KCNMB2: variants seen among roughly 807,000 people sequenced by gnomAD.
KCNMB2 encodes the protein calcium-activated potassium channel subunit beta-2.
A neutral mutation model predicts 24.5 loss-of-function variants in KCNMB2; 9 were observed. The observed-to-expected ratio is 0.37, with a 90% CI of 0.22 to 0.64. The LOEUF (loss-of-function observed/expected upper bound fraction) is 0.64. Among genes scored for constraint, KCNMB2 ranks in the 30% least tolerant of loss-of-function variants. The probability of loss-of-function intolerance (pLI) is 0.63; values close to 1 mark genes in which losing one functional copy is unlikely to be tolerated. For missense variants in KCNMB2, 226 were observed against 284.3 expected, an observed-to-expected ratio of 0.79 and a Z score of 1.47; for synonymous variants, 109 against 104.4, an observed-to-expected ratio of 1.04 and a Z score of -0.27.
Position 178,825,695 on chromosome 3 carries a change from T to G in KCNMB2, c.164T>G (p.Met55Arg), listed in dbSNP as rs745917817. 1 of 1,614,080 alleles carries G rather than the reference T, an allele frequency of 6.2e-7. No individual in the cohort carries two copies. The highest frequency in any genetic ancestry group is 8.5e-7 in the Non-Finnish European group (1 of 1,179,960). ...DRAILLGLAMMVCSIMMYFLL... is the reference protein window; with the variant it reads ...DRAILLGLAMRVCSIMMYFLL... Reference sequence around the variant, plus strand: ...GCTATTCTCCTGGGACTGGCTATGATGGTGTGCTCCATCATGATGTATTTT... The same window carrying G: ...GCTATTCTCCTGGGACTGGCTATGAGGGTGTGCTCCATCATGATGTATTTT... The change falls in exon 3 of 5, where the codon ATG (methionine) becomes AGG (arginine). Residue 55 changes from methionine to arginine, a missense_variant. Physicochemically the swap from Met to Arg is moderately conservative, Grantham distance 91 (BLOSUM62 -1). Transcript: ENST00000452583.
At chr3:178,553,769 A>T (rs1250103185) in intron 1 of KCNMB2, among the ~76,000 whole-genome samples, 1 of 151,986 alleles carries the variant, frequency 6.6e-6, no homozygotes, top group South Asian at 2.1e-4. Context: ...CAAACTCCCA[A>T]CCTCAAGGGA....
chr3:178,736,425 T>G (rs1238684836), intron 1 of KCNMB2, among the ~76,000 whole-genome samples: 1 of 152,234 alleles, frequency 6.6e-6, no homozygotes, highest in African/African-American at 2.4e-5. Flanking sequence ...CCACTCAGAC[T>G]GTCTCACCAA....
At chr3:178,802,570 C>A (rs1713813738) in intron 1 of KCNMB2, among the ~76,000 whole-genome samples, 2 of 152,034 alleles carry the variant, frequency 1.3e-5, no homozygotes, top group South Asian at 4.2e-4. Context: ...GAAATCAGAA[C>A]CTGAGAGGTT....
At chr3:178,628,665 C>T (rs1465740037) in intron 1 of KCNMB2, among the ~76,000 whole-genome samples, 1 of 152,056 alleles carries the variant, frequency 6.6e-6, no homozygotes, top group Non-Finnish European at 1.5e-5. Flanking sequence ...TCTAGGAGTA[C>T]ACGTGATAAA....
intron 1 of KCNMB2, among the ~76,000 whole-genome samples, chr3:178,593,995 A>C (rs943545922): frequency 2.0e-5 from 3 of 151,258 alleles, no homozygotes; most frequent in Admixed American, 6.6e-5. Flanking sequence ...TTTGAGAGCC[A>C]TCACTTTGAA....
At chr3:178,541,985 T>C (rs1039381207) in intron 1 of KCNMB2, among the ~76,000 whole-genome samples, 11 of 152,062 alleles carry the variant, frequency 7.2e-5, no homozygotes, top group Admixed American at 5.9e-4. Flanking sequence ...CTCTTTAAAT[T>C]AGCCAATTGG....
At chr3:178,697,117 G>A (rs57316792) in intron 1 of KCNMB2, among the ~76,000 whole-genome samples, 33,313 of 152,062 alleles carry the variant, frequency 0.22, 3,776 homozygotes, top group Middle Eastern at 0.39. Flanking sequence ...TATCTATCAG[G>A]TCCATTTGAT....
At position 178,676,072 on chromosome 3, in the gene KCNMB2, T is replaced by C. The variant is rs554267486; in HGVS notation, c.-67-131271T>C. ...TAGGGTCAGTATTCAAACTCAAGTA[T>C]CTATGACCCCAAGCCCATGTTACGC... On this transcript the variant is annotated intron_variant, in intron 1 of 4. Coordinates refer to ENST00000452583, the MANE Select transcript of KCNMB2 (RefSeq NM_181361.3). 1.1e-4 allele frequency among the ~76,000 whole-genome samples: 17 copies of C among 152,236 alleles called. No individual in the cohort carries two copies. In the South Asian group the frequency reaches 3.3e-3, roughly 30 times the overall value.
chr3:178,667,269 T>A (rs1172836082), intron 1 of KCNMB2, among the ~76,000 whole-genome samples: 1 of 152,084 alleles, frequency 6.6e-6, no homozygotes. Flanking sequence ...ATTGTTTGAA[T>A]GTGTCCCCTC....
At chr3:178,552,412 C>G (rs1715986305) in intron 1 of KCNMB2, among the ~76,000 whole-genome samples, 1 of 152,002 alleles carries the variant, frequency 6.6e-6, no homozygotes, top group African/African-American at 2.4e-5. Flanking sequence ...TCTTTTGCCA[C>G]CATCCTAAGA....
At chr3:178,747,935 T>C (rs1333735457) in intron 1 of KCNMB2, among the ~76,000 whole-genome samples, 1 of 152,216 alleles carries the variant, frequency 6.6e-6, no homozygotes, top group African/African-American at 2.4e-5. Context: ...TAGCACCAAA[T>C]AGAGGAGTCT....
intron 2 of KCNMB2, among the ~76,000 whole-genome samples, chr3:178,822,346 G>A (rs566380420): frequency 6.6e-6 from 1 of 152,160 alleles, no homozygotes; most frequent in East Asian, 1.9e-4. Context: ...TTCAACCCTG[G>A]CTCTCTGTCC....
intron 1 of KCNMB2, among the ~76,000 whole-genome samples, chr3:178,746,555 T>G (rs1723675985): frequency 6.6e-6 from 1 of 152,218 alleles, no homozygotes; most frequent in South Asian, 2.1e-4. Flanking sequence ...CCGGCTTGAA[T>G]TTCTTCTCAG....
intron 1 of KCNMB2, among the ~76,000 whole-genome samples, chr3:178,723,419 G>A (rs1453616828): frequency 6.6e-6 from 1 of 152,130 alleles, no homozygotes; most frequent in African/African-American, 2.4e-5. Context: ...AATAAAATAG[G>A]CAGATGCTCT....
rs1164464920 is a variant in KCNMB2, at chr3:178,843,195, C to A, written c.*258C>A. On this transcript the variant is annotated 3_prime_UTR_variant, in exon 5 of 5. Coordinates refer to ENST00000452583, the MANE Select transcript of KCNMB2 (RefSeq NM_181361.3). ...TACTGGAACTAGTACTTTCTTCTCT[C>A]ATTCCGCCAAAACAGGGCTCAGTTA... 1 of 558,254 alleles carries A rather than the reference C, an allele frequency of 1.8e-6. No individual in the cohort carries two copies. The highest frequency in any genetic ancestry group is 1.9e-5 in the African/African-American group (1 of 53,824). 34.6% of individuals were successfully genotyped at this position (558,254 alleles called of 1,614,324 possible). A position where few individuals can be genotyped will look rare whatever the true frequency, so the allele number is the denominator to read the frequency against.
At chr3:178,646,364 G>T (rs1013578257) in intron 1 of KCNMB2, among the ~76,000 whole-genome samples, 2 of 152,148 alleles carry the variant, frequency 1.3e-5, no homozygotes, top group Non-Finnish European at 2.9e-5. Flanking sequence ...ACATTAATTT[G>T]TTTCCTCTAC....
At chr3:178,752,115 G>T (rs1364401325) in intron 1 of KCNMB2, among the ~76,000 whole-genome samples, 1 of 152,198 alleles carries the variant, frequency 6.6e-6, no homozygotes, top group Non-Finnish European at 1.5e-5. Flanking sequence ...TATGCTAGTT[G>T]TTATATAGCT....
chr3:178,779,470 T>A (rs1712733585), intron 1 of KCNMB2, among the ~76,000 whole-genome samples: 1 of 152,192 alleles, frequency 6.6e-6, no homozygotes, highest in African/African-American at 2.4e-5. Context: ...TGTTTTTCTT[T>A]ACAGGTTGTA....
Position 178,705,973 on chromosome 3 carries a change from A to G in KCNMB2, c.-67-101370A>G, listed in dbSNP as rs540917331. ...GAAGACATACTTTGGCCTTCATTCT[A>G]TGAAGCTCCTGCTTCTACCACCCAC... On this transcript the variant is annotated intron_variant, in intron 1 of 4. Transcript: ENST00000452583. Among the ~76,000 whole-genome samples, 5 of 152,262 alleles carry G rather than the reference A, an allele frequency of 3.3e-5. No homozygotes were observed. In the South Asian group the frequency reaches 6.2e-4, roughly 19 times the overall value.
Sources: gnomAD v4.1 joint callset for allele counts (sites outside exome capture counted in the v4.1 genomes callset) on GRCh38, gnomAD v4.1.1 for gene constraint, MANE v1.5 for transcripts, NCBI Gene and HGNC (gene_info 2026-07-23, HGNC 2026-07-21) for gene names.